PITPNM2: variants seen among roughly 807,000 people sequenced by gnomAD.
The protein encoded by PITPNM2 is phosphatidylinositol transfer protein membrane associated 2, also known as membrane-associated phosphatidylinositol transfer protein 2.
Under a neutral mutation model 132.2 loss-of-function variants are expected in PITPNM2, and 35 were observed. The observed-to-expected ratio is 0.26, with a 90% CI of 0.20 to 0.35. The LOEUF is 0.35. Among genes scored for constraint, PITPNM2 ranks in the 10% least tolerant of loss-of-function variants. The pLI, the probability that PITPNM2 is intolerant of heterozygous loss-of-function variation, is 1.00. For missense variants in PITPNM2, 1,332 were observed against 1,912.0 expected (o/e 0.70, Z 5.66); for synonymous variants, 738 against 799.2 (o/e 0.92, Z 1.29).
rs1450645540 is a variant in PITPNM2 at position 122,994,220 on chromosome 12, A to G, written c.2233+581T>C. ...CTTGGCAAGCATCTAAACCTCTCTG[A>G]GCCTCAGTTTCCCCCTCTGTCATCT... is the stretch of plus-strand genomic sequence containing the variant. On this transcript the variant is annotated intron_variant, in intron 15 of 25. Transcript: ENST00000320201. This position sits in a 1 kb window ranked among gnomAD's most constrained non-coding sequence, Gnocchi z 5.4. Among the ~76,000 whole-genome samples, 1 of 152,196 alleles carries G rather than the reference A, an allele frequency of 6.6e-6. No homozygotes were observed. The highest frequency in any genetic ancestry group is 1.9e-4 in the East Asian group (1 of 5,200).
chr12:123,092,548 G>C (rs2042296624), intron 2 of PITPNM2: 1 of 152,242 alleles, frequency 6.6e-6, no homozygotes, highest in Non-Finnish European at 1.5e-5. Context: ...ATCTAGTCTT[G>C]CTGGGTTCCC....
intron 1 of PITPNM2, among the ~76,000 whole-genome samples, chr12:123,139,336 T>C (rs1036005520): frequency 4.6e-5 from 7 of 150,722 alleles, no homozygotes; most frequent in African/African-American, 7.3e-5. Context: ...CTGTCTCTAC[T>C]AAAAACACAA....
intron 1 of PITPNM2, among the ~76,000 whole-genome samples, chr12:123,112,695 G>A (rs2042863399): frequency 6.6e-6 from 1 of 151,868 alleles, no homozygotes; most frequent in African/African-American, 2.4e-5. Flanking sequence ...CTGCCACCAC[G>A]CCTGGCTAAT....
chr12:123,044,537 G>C (rs905591887), intron 2 of PITPNM2, among the ~76,000 whole-genome samples: 1 of 152,218 alleles, frequency 6.6e-6, no homozygotes, highest in Admixed American at 6.5e-5. Context: ...GTTGATAAGA[G>C]GCACTGCTGA....
chr12:123,048,206 G>A (rs1274546119), intron 2 of PITPNM2, among the ~76,000 whole-genome samples: 1 of 151,964 alleles, frequency 6.6e-6, no homozygotes, highest in Non-Finnish European at 1.5e-5. Flanking sequence ...CCTCAAAAAA[G>A]AAGGACATTC....
At position 123,099,500 on chromosome 12, in the gene PITPNM2, C is replaced by A. The variant is rs1248733582; in HGVS notation, c.-96+10885G>T. Among the ~76,000 whole-genome samples the A allele has an allele frequency of 6.6e-6, 1 of 152,252 alleles. No individual in the cohort carries two copies. Among genetic ancestry groups the A allele is most frequent in the Non-Finnish European group, 1.5e-5 (1 of 68,038 alleles). On this transcript the variant is annotated intron_variant, in intron 2 of 25. Transcript: ENST00000320201. The surrounding 1 kb of genome is among the most constrained non-coding windows in gnomAD (Gnocchi z 4.2). ...CCCTGGGGGCTCTGGGCCCTACCTG[C>A]AGCACTGGCAGACTTCCCACAAGCT...
At chr12:123,052,722 C>A (rs988833589) in intron 2 of PITPNM2, among the ~76,000 whole-genome samples, 7 of 151,534 alleles carry the variant, frequency 4.6e-5, no homozygotes, top group African/African-American at 1.7e-4. Flanking sequence ...TGGAATAAAT[C>A]CTATTTGGTC....
In PITPNM2 at chr12:123,124,020, C is replaced by G. The variant is rs1403672422; in HGVS notation, c.-199-13532G>C. On this transcript the variant is annotated intron_variant, in intron 1 of 25. Transcript: ENST00000320201. ...CCTGTAATCCCACCACTTTGGGAGGCCGACGCGGGCAGATCATGAGGTTAG... is the reference window on the plus strand; with the variant it reads ...CCTGTAATCCCACCACTTTGGGAGGGCGACGCGGGCAGATCATGAGGTTAG... 2.6e-5 allele frequency among the ~76,000 whole-genome samples: 4 copies of G among 152,064 alleles called. No individual in the cohort carries two copies. The East Asian group carries it at 7.7e-4, about 29-fold the overall frequency.
rs2038432231 is a variant in PITPNM2 at position 122,996,506 on chromosome 12, C to T, written c.1734G>A (p.Val578=). 1 of 1,613,146 alleles carries T rather than the reference C, an allele frequency of 6.2e-7. No homozygotes were observed. The highest frequency in any genetic ancestry group is 8.5e-7 in the Non-Finnish European group (1 of 1,180,026). ...GGCGGCTGCTGCTCTGACTCTCAGA[C>T]ACCGGCTGGTTACTGTAGCACAGGG... ...FDALCYSNQP[V]SESQSSSRRG... is the part of the protein sequence containing the mutation. The change falls in exon 13 of 26, where the codon GTG becomes GTA. Residue 578 remains valine, a synonymous_variant. Coordinates refer to ENST00000320201, the MANE Select transcript of PITPNM2 (RefSeq NM_020845.3).
intron 2 of PITPNM2, among the ~76,000 whole-genome samples, chr12:123,047,969 C>G (rs2040716340): frequency 2.6e-5 from 4 of 152,146 alleles, no homozygotes; most frequent in African/African-American, 7.2e-5. Flanking sequence ...CATTGTGGTG[C>G]ACACTTGTAG....
chr12:123,068,116 C>T (rs1213016751), intron 2 of PITPNM2, among the ~76,000 whole-genome samples: 1 of 152,328 alleles, frequency 6.6e-6, no homozygotes, highest in Middle Eastern at 3.4e-3. Flanking sequence ...CCACATGGTA[C>T]CTGAACAGCT....
In PITPNM2 at chr12:122,990,552, G is replaced by T. The variant is rs376540906; in HGVS notation, c.2562C>A (p.Ile854=). ...GGGGCCTGGTATACTCACTCTGGGC[G>T]ATGCTGGATGCCGTGTAGCTCTCAG... ...GMAESYTASS[I]AQKAPDALSH... is the part of the protein sequence containing the mutation. The change falls in exon 17 of 26, where the codon ATC becomes ATA. Residue 854 remains isoleucine, a synonymous_variant. Coordinates refer to ENST00000320201, the MANE Select transcript of PITPNM2 (RefSeq NM_020845.3). 1 of 1,612,892 alleles carries T rather than the reference G, an allele frequency of 6.2e-7. No individual in the cohort carries two copies. Among genetic ancestry groups the T allele is most frequent in the Non-Finnish European group, 8.5e-7 (1 of 1,179,938 alleles).
rs2042029297 is a variant in PITPNM2 at position 123,083,660 on chromosome 12, G to A, written c.-96+26725C>T. 6.6e-6 allele frequency: 1 copy of A among 152,410 alleles called. No individual in the cohort carries two copies. The highest frequency in any genetic ancestry group is 6.5e-5 in the Admixed American group (1 of 15,288). The allele number at this position is 152,410 out of a possible 1,614,324, so 9.4% of individuals were successfully genotyped here. A position where few individuals can be genotyped will look rare whatever the true frequency, so the allele number is the denominator to read the frequency against. On this transcript the variant is annotated intron_variant, in intron 2 of 25. Transcript: ENST00000320201. The surrounding 1 kb of genome is among the most constrained non-coding windows in gnomAD (Gnocchi z 4.5). Reference sequence around the variant, plus strand: ...GCCATGGAGGTGACAATGTGCCCTGGAGCCTCACAAGGCAGCAGCCACCAG... The same window carrying A: ...GCCATGGAGGTGACAATGTGCCCTGAAGCCTCACAAGGCAGCAGCCACCAG...
upstream of PITPNM2, among the ~76,000 whole-genome samples, chr12:123,151,131 G>T (rs1318357811): frequency 5.5e-5 from 8 of 146,530 alleles, no homozygotes; most frequent in East Asian, 2.0e-4. Context: ...CCTCAGTGGC[G>T]GCGGCGCCTC....
At chr12:123,103,565 T>C (rs1056321164) in intron 2 of PITPNM2, among the ~76,000 whole-genome samples, 1 of 152,204 alleles carries the variant, frequency 6.6e-6, no homozygotes, top group Non-Finnish European at 1.5e-5. Flanking sequence ...CTGTGGGTGC[T>C]GTCAGGACCC....
At chr12:123,018,654 G>T (rs1422063215) in intron 3 of PITPNM2, among the ~76,000 whole-genome samples, 1 of 151,862 alleles carries the variant, frequency 6.6e-6, no homozygotes, top group Non-Finnish European at 1.5e-5. Context: ...TCACTATGTT[G>T]CCCAGGCTTG....
At position 123,008,127 on chromosome 12, in the gene PITPNM2, G is replaced by C. The variant is rs73411039; in HGVS notation, c.643+1723C>G. ...CACAGAGCCACTACGTGTGAGTCAG[G>C]CCTGGACTCTAAAGTTGTCTTCTTT... On this transcript the variant is annotated intron_variant, in intron 6 of 25. Transcript: ENST00000320201. This position sits in a 1 kb window ranked among gnomAD's most constrained non-coding sequence, Gnocchi z 4.1. Among the ~76,000 whole-genome samples the C allele has an allele frequency of 6.6e-3, 1,007 of 152,318 alleles. 14 individuals carry two copies. The highest frequency in any genetic ancestry group is 0.023 in the African/African-American group (950 of 41,564).
chr12:123,136,989 G>C (rs1392864755), intron 1 of PITPNM2, among the ~76,000 whole-genome samples: 1 of 152,170 alleles, frequency 6.6e-6, no homozygotes, highest in African/African-American at 2.4e-5. Flanking sequence ...AATTGACCCT[G>C]GCCTGATAAT....
chr12:123,096,143 G>A (rs1198085281), intron 2 of PITPNM2, among the ~76,000 whole-genome samples: 1 of 152,226 alleles, frequency 6.6e-6, no homozygotes, highest in Non-Finnish European at 1.5e-5. Context: ...GAATACATTG[G>A]GAATTGGGAC....
Sources: allele counts gnomAD v4.1 joint callset (sites outside exome capture counted in the v4.1 genomes callset), GRCh38; gene constraint gnomAD v4.1.1; non-coding constraint Gnocchi (gnomAD v3.1); transcripts MANE v1.5; gene names NCBI Gene and HGNC (gene_info 2026-07-23, HGNC 2026-07-21).